The following POTEI variants were observed in gnomAD, a reference collection of about 807,000 sequenced individuals.
POTEI encodes the protein POTE ankyrin domain family, member I.
A neutral mutation model predicts 43.4 loss-of-function variants in POTEI; 14 were observed. The observed-to-expected ratio is 0.32, with a 90% confidence interval of 0.21 to 0.50. POTEI has a LOEUF of 0.50. Among genes scored for constraint, POTEI ranks in the 20% least tolerant of loss-of-function variants. The pLI is 0.98. For synonymous variants in POTEI, 95 were observed against 297.9 expected (o/e 0.32, Z 7.01); for missense variants, 235 against 795.4 (o/e 0.30, Z 8.47).
intron 13 of POTEI, among the ~76,000 whole-genome samples, chr2:130,468,861 T>C (rs1170567608): frequency 2.0e-5 from 3 of 152,196 alleles, no homozygotes; most frequent in Non-Finnish European, 4.4e-5. Context: ...AAAAGCTAGA[T>C]TTGCCAGCAG....
chr2:130,492,750 AATT>A lies in POTEI; in HGVS notation c.1127-2013_1127-2011del, dbSNP rs1683788363. On this transcript the variant is annotated intron_variant, in intron 6 of 14. Transcript: ENST00000451531. Reference sequence around the variant, plus strand: ...AGTCAATTCTATAAGAAGTCAGAGAAATTATAATAAATCACTTAATACTTGGTT... The same window carrying A: ...AGTCAATTCTATAAGAAGTCAGAGAAATAATAAATCACTTAATACTTGGTT... Among the ~76,000 whole-genome samples, 3 of 125,872 alleles carry A rather than the reference AATT, an allele frequency of 2.4e-5. No homozygotes were observed. The South Asian group carries it at 1.0e-3, about 42-fold the overall frequency. 82.6% of individuals were successfully genotyped at this position (125,872 alleles called of 152,430 possible).
At position 130,494,025 on chromosome 2, in the gene POTEI, A is replaced by G. The variant is rs1229628345; in HGVS notation, c.1126+2527T>C. 1.2e-4 allele frequency among the ~76,000 whole-genome samples: 5 copies of G among 42,938 alleles called. 2 individuals carry two copies. In the Admixed American group the frequency reaches 1.5e-3, roughly 13 times the overall value. The allele number at this position is 42,938 out of a possible 152,430, so 28.2% of individuals were successfully genotyped here. A position where few individuals can be genotyped will look rare whatever the true frequency, so the allele number is the denominator to read the frequency against. On this transcript the variant is annotated intron_variant, in intron 6 of 14. Transcript: ENST00000451531. ...TTGTCTCCTGGTTTCTTTACATGGT[A>G]AAGAACCTTCCATCAATCCCAGCAA... is the stretch of plus-strand genomic sequence containing the variant.
chr2:130,468,454 A>G (rs1359678006), intron 13 of POTEI, among the ~76,000 whole-genome samples: 3 of 152,188 alleles, frequency 2.0e-5, no homozygotes, highest in Non-Finnish European at 4.4e-5. Flanking sequence ...GAAACTTAAC[A>G]ACCATGGTAG....
At chr2:130,468,892 A>G (rs1212932006) in intron 13 of POTEI, among the ~76,000 whole-genome samples, 1 of 152,214 alleles carries the variant, frequency 6.6e-6, no homozygotes, top group Non-Finnish European at 1.5e-5. Context: ...CAACTTTTTA[A>G]TGAGATAAAA....
rs1376718647 is a variant in POTEI at position 130,494,027 on chromosome 2, A to G, written c.1126+2525T>C. On this transcript the variant is annotated intron_variant, in intron 6 of 14. Coordinates refer to ENST00000451531, the MANE Select transcript of POTEI (RefSeq NM_001277406.2). ...GTCTCCTGGTTTCTTTACATGGTAAAGAACCTTCCATCAATCCCAGCAAAC... is the reference window on the plus strand; with the variant it reads ...GTCTCCTGGTTTCTTTACATGGTAAGGAACCTTCCATCAATCCCAGCAAAC... Among the ~76,000 whole-genome samples the G allele has an allele frequency of 1.9e-4, 8 of 42,906 alleles. 3 individuals carry two copies. Among genetic ancestry groups the G allele is most frequent in the Non-Finnish European group, 2.7e-4 (5 of 18,364 alleles). 28.1% of individuals were successfully genotyped at this position (42,906 alleles called of 152,430 possible). A position where few individuals can be genotyped will look rare whatever the true frequency, so the allele number is the denominator to read the frequency against.
At chr2:130,468,800 A>G (rs1682948329) in intron 13 of POTEI, among the ~76,000 whole-genome samples, 1 of 152,248 alleles carries the variant, frequency 6.6e-6, no homozygotes, top group Non-Finnish European at 1.5e-5. Context: ...TTGAAAACAA[A>G]ATGATCTCGT....
chr2:130,507,307 TATATATATATACAC>T (rs1484613545), intron 1 of POTEI, among the ~76,000 whole-genome samples: 12 of 12,388 alleles, frequency 9.7e-4, no homozygotes, highest in African/African-American at 1.4e-3. Flanking sequence ...TATATATATA[TATATATATATACAC>T]ACACACACAC....
Position 130,477,566 on chromosome 2 carries a change from G to T in POTEI, c.1481-865C>A, listed in dbSNP as rs552866032. Among the ~76,000 whole-genome samples the T allele has an allele frequency of 1.9e-4, 28 of 149,160 alleles. No individual in the cohort carries two copies. The East Asian group carries it at 5.4e-3, about 29-fold the overall frequency. On this transcript the variant is annotated intron_variant, in intron 10 of 14. Coordinates refer to ENST00000451531, the MANE Select transcript of POTEI (RefSeq NM_001277406.2). The stretch of plus-strand genomic sequence containing the variant: ...TTTACTGATTTTTCTACTGCATCTT[G>T]ACCACCTAAACTGTACATTATTCCT...
intron 13 of POTEI, among the ~76,000 whole-genome samples, chr2:130,467,619 A>G (rs1375728373): frequency 2.6e-5 from 4 of 151,636 alleles, no homozygotes; most frequent in Non-Finnish European, 5.9e-5. Flanking sequence ...AAATAAATAA[A>G]TAAGACCTAA....
chr2:130,483,697 C>A (rs1683479951), intron 9 of POTEI, among the ~76,000 whole-genome samples: 1 of 144,544 alleles, frequency 6.9e-6, no homozygotes. Flanking sequence ...TGGGTTCATG[C>A]CATTCTCCTG....
At chr2:130,485,533 AAAG>A in intron 9 of POTEI, among the ~76,000 whole-genome samples, 1 of 30,302 alleles carries the variant, frequency 3.3e-5, no homozygotes, top group Non-Finnish European at 7.5e-5. Flanking sequence ...AAGTCAGGAG[AAAG>A]AAGATTGAGG....
At position 130,463,699 on chromosome 2, in the gene POTEI, A is replaced by C; in HGVS notation, c.2345T>G (p.Met782Arg). The change falls in exon 15 of 15, where the codon ATG becomes AGG. Residue 782 changes from methionine (M) to arginine (R), a missense_variant. Transcript: ENST00000451531. ...GAAGGTGTGGTGCCAGATCTTCTCC[A>C]TGTCATCCCAGTTGGTGATGATGCC... ...EHGIITNWDD[M>R]EKIWHHTFYN... is the part of the protein sequence containing the mutation. 2 of 1,601,072 alleles carry C rather than the reference A, an allele frequency of 1.2e-6. No individual in the cohort carries two copies. Among genetic ancestry groups the C allele is most frequent in the Non-Finnish European group, 1.7e-6 (2 of 1,177,560 alleles).
intron 6 of POTEI, among the ~76,000 whole-genome samples, chr2:130,492,329 AG>A: frequency 6.9e-6 from 1 of 144,418 alleles, no homozygotes. Flanking sequence ...GGTAGAGGGC[AG>A]GAAAGGGTGA....
Position 130,507,335 on chromosome 2 carries a change from CACAT to C in POTEI, c.521+1376_521+1379del, listed in dbSNP as rs1211594872. Among the ~76,000 whole-genome samples the C allele has an allele frequency of 7.2e-3, 459 of 64,188 alleles. 26 individuals carry two copies. Among genetic ancestry groups the C allele is most frequent in the Non-Finnish European group, 0.013 (379 of 29,724 alleles). The allele number at this position is 64,188 out of a possible 152,430, so 42.1% of individuals were successfully genotyped here. A position where few individuals can be genotyped will look rare whatever the true frequency, so the allele number is the denominator to read the frequency against. On this transcript the variant is annotated intron_variant, in intron 1 of 14. Transcript: ENST00000451531. ...ATATATATACACACACACACACACA[CACAT>C]ATATATGTATATATATACACACACA...
At chr2:130,477,543 T>C (rs1683245245) in intron 10 of POTEI, among the ~76,000 whole-genome samples, 1 of 150,058 alleles carries the variant, frequency 6.7e-6, no homozygotes, top group Non-Finnish European at 1.5e-5. Flanking sequence ...CTTAGTACTT[T>C]ACTGATTTTT....
In POTEI at chr2:130,460,322, C is replaced by T. The variant is rs191786407; in HGVS notation, c.*2494G>A. Reference sequence around the variant, plus strand: ...AAGTGAACCCCCAGCACAGCACAGCCGCTCTACACAAACGTGGCTAGACTT... The same window carrying T: ...AAGTGAACCCCCAGCACAGCACAGCTGCTCTACACAAACGTGGCTAGACTT... On this transcript the variant is annotated 3_prime_UTR_variant, in exon 15 of 15. Coordinates refer to ENST00000451531, the MANE Select transcript of POTEI (RefSeq NM_001277406.2). The T allele has an allele frequency of 5.8e-3, 837 of 143,488 alleles. No homozygotes were observed. Among genetic ancestry groups the T allele is most frequent in the African/African-American group, 0.023 (790 of 33,742 alleles). The allele number at this position is 143,488 out of a possible 1,614,324, so 8.9% of individuals were successfully genotyped here.
intron 9 of POTEI, among the ~76,000 whole-genome samples, chr2:130,482,722 C>T (rs1683436626): frequency 6.7e-6 from 1 of 148,202 alleles, no homozygotes; most frequent in Admixed American, 6.7e-5. Context: ...TAGTTTGTAA[C>T]TAAATTTTTT....
At chr2:130,467,811 T>A (rs1345283459) in intron 13 of POTEI, among the ~76,000 whole-genome samples, 1 of 148,714 alleles carries the variant, frequency 6.7e-6, no homozygotes, top group Non-Finnish European at 1.5e-5. Flanking sequence ...ATTACATGAA[T>A]AGACATTTCT....
upstream of POTEI, chr2:130,509,539 G>A: frequency 4.5e-5 from 7 of 155,950 alleles, no homozygotes; most frequent in Admixed American, 1.5e-4. Context: ...AAGGGAACGC[G>A]AGAGAGGAAA....
Sources: allele counts gnomAD v4.1 joint callset (sites outside exome capture counted in the v4.1 genomes callset), GRCh38; gene constraint gnomAD v4.1.1; transcripts MANE v1.5; gene names NCBI Gene and HGNC (gene_info 2026-07-23, HGNC 2026-07-21).